Variants in MTA3 observed in about 807,000 individuals in gnomAD.
MTA3 encodes the protein metastasis-associated protein MTA3.
A neutral mutation model predicts 83.5 loss-of-function variants in MTA3; 34 were observed. The ratio of observed to expected loss-of-function variants is 0.41; its 90% CI spans 0.31 to 0.54. The LOEUF (loss-of-function observed/expected upper bound fraction) is 0.54. Ranked by LOEUF, MTA3 falls within the 20% of genes least tolerant of loss-of-function variation. The pLI is 0.33. For missense variants in MTA3, 761 were observed against 726.4 expected (o/e 1.05, Z -0.55); for synonymous variants, 303 against 252.7 (o/e 1.20, Z -1.89).
At chr2:42,674,754 A>G (rs1188187205) in intron 8 of MTA3, among the ~76,000 whole-genome samples, 1 of 151,412 alleles carries the variant, frequency 6.6e-6, no homozygotes, top group Admixed American at 6.6e-5. Flanking sequence ...GCGTGCCACC[A>G]TGCCCGGCTA....
chr2:42,732,633 T>A (rs1032400555), intron 16 of MTA3, among the ~76,000 whole-genome samples: 2 of 152,236 alleles, frequency 1.3e-5, no homozygotes, highest in Non-Finnish European at 2.9e-5. Flanking sequence ...CAGCCAGCAT[T>A]AATTTCTCCC....
At chr2:42,650,557 A>G (rs1259726349) in intron 6 of MTA3, among the ~76,000 whole-genome samples, 1 of 151,966 alleles carries the variant, frequency 6.6e-6, no homozygotes, top group Admixed American at 6.6e-5. Context: ...TTCCTGCCTC[A>G]GCCTCCTGAG....
At chr2:42,680,911 G>C (rs1403523714) in intron 8 of MTA3, among the ~76,000 whole-genome samples, 1 of 61,908 alleles carries the variant, frequency 1.6e-5, no homozygotes, top group Non-Finnish European at 2.9e-5. Context: ...ATGCCACCAT[G>C]CCTGTTTTTT....
In MTA3 at chr2:42,538,722, A is replaced by G. The variant is rs190775944; in HGVS notation, c.-140-31715A>G. Reference sequence around the variant, plus strand: ...GATGACTCTTTCTAAAAAAAAAAAAAAAAAGAAAAAGAAAAGAAAAGAAAA... The same window carrying G: ...GATGACTCTTTCTAAAAAAAAAAAAGAAAAGAAAAAGAAAAGAAAAGAAAA... On this transcript the variant is annotated intron_variant, in intron 2 of 17. Transcript: ENST00000405592. Among the ~76,000 whole-genome samples the G allele has an allele frequency of 8.2e-3, 1,227 of 149,658 alleles. 13 individuals are homozygous for G. The highest frequency in any genetic ancestry group is 0.025 in the African/African-American group (1,045 of 41,028).
At chr2:42,714,494 A>T (rs1489394539) in intron 14 of MTA3, among the ~76,000 whole-genome samples, 1 of 152,164 alleles carries the variant, frequency 6.6e-6, no homozygotes, top group African/African-American at 2.4e-5. Flanking sequence ...TTGAATGCAC[A>T]TGTGGGATGT....
intron 2 of MTA3, among the ~76,000 whole-genome samples, chr2:42,547,523 G>T (rs1479782865): frequency 1.3e-5 from 2 of 152,188 alleles, no homozygotes; most frequent in Non-Finnish European, 1.5e-5. Context: ...TAGAGTCAGG[G>T]TTTCACCATG....
At chr2:42,643,645 C>T (rs1469505321) in intron 5 of MTA3, among the ~76,000 whole-genome samples, 1 of 152,158 alleles carries the variant, frequency 6.6e-6, no homozygotes. Context: ...GTAAGTTCAA[C>T]TCATGCAGTT....
intron 2 of MTA3, among the ~76,000 whole-genome samples, chr2:42,514,697 T>TTTTTTTTTTTTTTTG (rs1675060124): frequency 7.5e-6 from 1 of 133,540 alleles, no homozygotes. Context: ...TTTTTTTTTT[T>TTTTTTTTTTTTTTTG]TTTTTTTTTT....
chr2:42,756,364 A>T lies in MTA3; in HGVS notation c.*2965A>T. On this transcript the variant is annotated 3_prime_UTR_variant, in exon 17 of 17. Coordinates refer to ENST00000405094, the MANE Select transcript of MTA3 (RefSeq NM_001330442.2). ...CAGAGTCCTGCAGGTGCCTCACAGT[A>T]GTGAAACCCAGTTGGAAGCAGCTGC... 4.3e-6 allele frequency: 3 copies of T among 698,796 alleles called. No homozygotes were observed. The highest frequency in any genetic ancestry group is 5.3e-6 in the Non-Finnish European group (3 of 568,096). 43.3% of individuals were successfully genotyped at this position (698,796 alleles called of 1,614,324 possible).
chr2:42,621,438 C>G lies in MTA3; in HGVS notation c.317+11854C>G, dbSNP rs1015192446. Among the ~76,000 whole-genome samples the G allele has an allele frequency of 2.0e-5, 3 of 152,128 alleles. No individual in the cohort carries two copies. In the East Asian group the frequency reaches 5.8e-4, roughly 29 times the overall value. On this transcript the variant is annotated intron_variant, in intron 4 of 16. Transcript: ENST00000405094. ...ACACAGCACATGTTTCAGAGAGCAC[C>G]GGGTTGGGAGTAAGGTCATAGATCA...
chr2:42,599,812 GTTTCA>G (rs1452838969), intron 3 of MTA3, among the ~76,000 whole-genome samples: 1 of 152,106 alleles, frequency 6.6e-6, no homozygotes, highest in Non-Finnish European at 1.5e-5. Flanking sequence ...AGCTTAAGGA[GTTTCA>G]TTTCTTCTTT....
chr2:42,691,301 C>A (rs183957634), intron 9 of MTA3, among the ~76,000 whole-genome samples: 234 of 152,298 alleles, frequency 1.5e-3, no homozygotes, highest in African/African-American at 5.4e-3. Context: ...TGAGCCACCA[C>A]ACCGCGGCCT....
At chr2:42,497,257 A>G (rs1398875167) in intron 2 of MTA3, among the ~76,000 whole-genome samples, 1 of 152,038 alleles carries the variant, frequency 6.6e-6, no homozygotes. Context: ...TAAAAGGAGT[A>G]TATAAAAGTA....
intron 14 of MTA3, among the ~76,000 whole-genome samples, chr2:42,717,991 C>T (rs990670826): frequency 2.0e-5 from 3 of 151,796 alleles, no homozygotes; most frequent in Non-Finnish European, 4.4e-5. Context: ...AAGCATATTT[C>T]TGAGATGGGC....
At chr2:42,621,441 G>C (rs1685532082) in intron 4 of MTA3, among the ~76,000 whole-genome samples, 1 of 152,210 alleles carries the variant, frequency 6.6e-6, no homozygotes, top group African/African-American at 2.4e-5. Context: ...AGAGCACCGG[G>C]TTGGGAGTAA....
chr2:42,711,193 G>A (rs1332445431), intron 14 of MTA3, among the ~76,000 whole-genome samples: 2 of 152,204 alleles, frequency 1.3e-5, no homozygotes, highest in Non-Finnish European at 2.9e-5. Context: ...GACTAGAAGA[G>A]AAACCATCAG....
intron 2 of MTA3, among the ~76,000 whole-genome samples, chr2:42,541,364 T>C (rs1021754571): frequency 6.6e-6 from 1 of 152,200 alleles, no homozygotes; most frequent in Non-Finnish European, 1.5e-5. Context: ...CCCAGGCTTA[T>C]TGTGATATTC....
chr2:42,570,097 A>C (rs1452396075), intron 1 of MTA3, among the ~76,000 whole-genome samples: 2 of 152,164 alleles, frequency 1.3e-5, no homozygotes, highest in East Asian at 3.8e-4. Context: ...AAAGATGTGG[A>C]AGTAGTTATA....
At chr2:42,703,310 A>G (rs1573685163) in intron 11 of MTA3, 1 of 152,160 alleles carries the variant, frequency 6.6e-6, no homozygotes, top group Admixed American at 6.5e-5. Flanking sequence ...AATATTTCTG[A>G]TAAAATTTCA....
Sources: allele counts gnomAD v4.1 joint callset (sites outside exome capture counted in the v4.1 genomes callset), GRCh38; gene constraint gnomAD v4.1.1; transcripts MANE v1.5; gene names NCBI Gene and HGNC (gene_info 2026-07-23, HGNC 2026-07-21).